PKD1L1: variants seen among roughly 807,000 people sequenced by gnomAD.
PKD1L1 encodes polycystin 1 like 1, transient receptor potential channel interacting.
In PKD1L1, 236 loss-of-function variants were observed where a neutral mutation model predicts 323.4. That is an observed-to-expected ratio of 0.73 (90% CI 0.66 to 0.81). The LOEUF (loss-of-function observed/expected upper bound fraction) is 0.81, where lower values mean the gene tolerates loss of function less well. Among genes scored for constraint, PKD1L1 ranks in the 40% least tolerant of loss-of-function variants. The pLI is 0.00. For synonymous variants in PKD1L1, 1,344 were observed against 1,335.0 expected (o/e 1.01, Z -0.15); for missense variants, 3,320 against 3,508.0 (o/e 0.95, Z 1.35).
At chr7:47,779,038 T>C (rs1051034854) in intron 56 of PKD1L1, among the ~76,000 whole-genome samples, 1 of 152,244 alleles carries the variant, frequency 6.6e-6, no homozygotes, top group Non-Finnish European at 1.5e-5. Context: ...AAACATATTC[T>C]TTCCTACCCT....
chr7:47,959,430 C>T, the PKD1L1 span, among the ~76,000 whole-genome samples: 11 of 144,836 alleles, frequency 7.6e-5, no homozygotes, highest in East Asian at 4.1e-4. Context: ...CGTCTCTGCC[C>T]GGCCGCCCAT....
At chr7:47,850,606 T>C (rs1046100512) in intron 31 of PKD1L1, among the ~76,000 whole-genome samples, 2 of 114,530 alleles carry the variant, frequency 1.7e-5, no homozygotes, top group Non-Finnish European at 3.3e-5. Context: ...CACTCCAGCC[T>C]GGGCAACAAG....
chr7:47,884,202 T>C (rs1583646953), intron 19 of PKD1L1, among the ~76,000 whole-genome samples: 3 of 151,722 alleles, frequency 2.0e-5, no homozygotes, highest in African/African-American at 7.3e-5. Flanking sequence ...GGAGTGGTGG[T>C]CCTTACAAGA....
chr7:47,908,719 A>G (rs1436115318), intron 8 of PKD1L1, among the ~76,000 whole-genome samples: 1 of 152,242 alleles, frequency 6.6e-6, no homozygotes, highest in Non-Finnish European at 1.5e-5. Context: ...ACACACTTAC[A>G]ATACAACTAT....
At chr7:47,798,768 AAAAAAAC>A (rs1471136520) in intron 54 of PKD1L1, among the ~76,000 whole-genome samples, 3 of 147,034 alleles carry the variant, frequency 2.0e-5, no homozygotes, top group African/African-American at 7.9e-5. Flanking sequence ...AAAAAAAAAC[AAAAAAAC>A]CAAAAACAAA....
chr7:47,814,874 G>A (rs908659671), intron 47 of PKD1L1, among the ~76,000 whole-genome samples: 2 of 152,328 alleles, frequency 1.3e-5, no homozygotes, highest in South Asian at 4.1e-4. Flanking sequence ...ATGGGATTAT[G>A]CAAAATGCAT....
chr7:47,875,632 A>C (rs1365485889), intron 23 of PKD1L1, among the ~76,000 whole-genome samples: 1 of 152,192 alleles, frequency 6.6e-6, no homozygotes, highest in Non-Finnish European at 1.5e-5. Flanking sequence ...ACAGGGTCAG[A>C]GCAGAAAGTT....
intron 56 of PKD1L1, among the ~76,000 whole-genome samples, chr7:47,792,034 C>G (rs1377527313): frequency 6.6e-6 from 1 of 152,182 alleles, no homozygotes; most frequent in Non-Finnish European, 1.5e-5. Context: ...CAAACAGCTT[C>G]CTACAAAGAC....
chr7:47,787,920 A>G (rs1220350321), intron 56 of PKD1L1, among the ~76,000 whole-genome samples: 1 of 152,130 alleles, frequency 6.6e-6, no homozygotes, highest in African/African-American at 2.4e-5. Flanking sequence ...CATGTTGCCC[A>G]GACTGGTCGC....
chr7:47,802,489 C>T (rs1475740551), intron 53 of PKD1L1, among the ~76,000 whole-genome samples: 1 of 152,192 alleles, frequency 6.6e-6, no homozygotes, highest in Non-Finnish European at 1.5e-5. Flanking sequence ...ATAGGGCTTG[C>T]AGAACCCCTT....
rs1490122520 is a variant in PKD1L1 at position 47,902,472 on chromosome 7, A to G, written c.1971T>C (p.Asn657=). ...GCTGTCTTAGAGTGGAGGCACTGAC[A>G]TTATTGAAGGCAAGGACCTCCACTG... ...EFTVEVLAFN[N]VSASTLRQQL... is the part of the protein sequence containing the mutation. The change falls in exon 13 of 57, where the codon AAT becomes AAC. Residue 657 remains asparagine (N), a synonymous_variant. Coordinates refer to ENST00000289672, the MANE Select transcript of PKD1L1 (RefSeq NM_138295.5). 1 of 1,614,106 alleles carries G rather than the reference A, an allele frequency of 6.2e-7. No individual in the cohort carries two copies. The highest frequency in any genetic ancestry group is 8.5e-7 in the Non-Finnish European group (1 of 1,179,926).
At chr7:47,911,389 C>T (rs1048558223) in intron 8 of PKD1L1, among the ~76,000 whole-genome samples, 3 of 152,314 alleles carry the variant, frequency 2.0e-5, no homozygotes, top group Non-Finnish European at 2.9e-5. Flanking sequence ...AGCTTCTTTT[C>T]TTTATAAGTT....
intron 6 of PKD1L1, among the ~76,000 whole-genome samples, chr7:47,929,996 C>T (rs1418304822): frequency 2.6e-5 from 4 of 152,190 alleles, no homozygotes; most frequent in African/African-American, 9.7e-5. Context: ...CCTTGTGCTG[C>T]AAATTGGTTG....
chr7:47,928,864 GTTA>G (rs1188160851), intron 7 of PKD1L1, among the ~76,000 whole-genome samples: 1 of 152,166 alleles, frequency 6.6e-6, no homozygotes, highest in Non-Finnish European at 1.5e-5. Flanking sequence ...TTTTTCAATA[GTTA>G]TTATTTTTAG....
At position 47,839,769 on chromosome 7, in the gene PKD1L1, G is replaced by T; in HGVS notation, c.5553-107C>A. 2.8e-6 allele frequency: 3 copies of T among 1,090,588 alleles called. No individual in the cohort carries two copies. Among genetic ancestry groups the T allele is most frequent in the South Asian group, 1.5e-5 (1 of 64,594 alleles). The allele number at this position is 1,090,588 out of a possible 1,614,324, so 67.6% of individuals were successfully genotyped here. A position where few individuals can be genotyped will look rare whatever the true frequency, so the allele number is the denominator to read the frequency against. On this transcript the variant is annotated intron_variant, in intron 35 of 56. Coordinates refer to ENST00000289672, the MANE Select transcript of PKD1L1 (RefSeq NM_138295.5). This position sits in a 1 kb window ranked among gnomAD's most constrained non-coding sequence, Gnocchi z 4.3. The stretch of plus-strand genomic sequence containing the variant: ...AAGGCACTGATGGCCCACAGAGGGT[G>T]GATGGGACATGTCAAAGGTGACTGA...
chr7:47,895,908 T>G (rs1435901062), intron 14 of PKD1L1, among the ~76,000 whole-genome samples: 1 of 152,186 alleles, frequency 6.6e-6, no homozygotes, highest in Non-Finnish European at 1.5e-5. Flanking sequence ...GGCTAGTGTT[T>G]GTTTAGTTGA....
chr7:47,921,238 C>CA (rs139205889), intron 7 of PKD1L1, among the ~76,000 whole-genome samples: 40,718 of 79,382 alleles, frequency 0.51, 10,229 homozygotes, highest in Non-Finnish European at 0.56. Flanking sequence ...AGACAATTCT[C>CA]AAAAAAAAAA....
At chr7:47,892,418 G>A (rs1463350206) in intron 15 of PKD1L1, among the ~76,000 whole-genome samples, 1 of 152,198 alleles carries the variant, frequency 6.6e-6, no homozygotes, top group Non-Finnish European at 1.5e-5. Context: ...GCTGCAATGG[G>A]TTGGGAGAGG....
chr7:47,896,661 C>A (rs1230867028), intron 14 of PKD1L1, among the ~76,000 whole-genome samples: 1 of 152,098 alleles, frequency 6.6e-6, no homozygotes, highest in African/African-American at 2.4e-5. Context: ...CAGCACACAG[C>A]CAGGTACAAA....
Sources: gnomAD v4.1 joint callset for allele counts (sites outside exome capture counted in the v4.1 genomes callset) on GRCh38, gnomAD v4.1.1 for gene constraint, Gnocchi (gnomAD v3.1) non-coding constraint, MANE v1.5 for transcripts, NCBI Gene and HGNC (gene_info 2026-07-23, HGNC 2026-07-21) for gene names.